Variants in DNAH6 observed in about 807,000 individuals in gnomAD.
The protein encoded by DNAH6 is axonemal beta dynein heavy chain 6.
A neutral mutation model predicts 491.4 loss-of-function variants in DNAH6; 340 were observed. The observed-to-expected ratio is 0.69, with a 90% confidence interval of 0.63 to 0.76. The LOEUF is 0.76. Among genes scored for constraint, DNAH6 ranks in the 30% least tolerant of loss-of-function variants. The probability of loss-of-function intolerance (pLI) is 0.00; values close to 1 mark genes in which losing one functional copy is unlikely to be tolerated. For synonymous variants in DNAH6, 1,603 were observed against 1,686.1 expected (o/e 0.95, Z 1.21); for missense variants, 4,443 against 4,972.2 (o/e 0.89, Z 3.20).
intron 64 of DNAH6, among the ~76,000 whole-genome samples, chr2:84,767,774 A>G (rs1394860758): frequency 2.0e-5 from 3 of 152,074 alleles, no homozygotes; most frequent in Admixed American, 2.0e-4. Flanking sequence ...ATTTTCCAAA[A>G]CAAAAGACAT....
intron 64 of DNAH6, among the ~76,000 whole-genome samples, chr2:84,771,621 A>G (rs1265839568): frequency 6.6e-6 from 1 of 152,234 alleles, no homozygotes; most frequent in African/African-American, 2.4e-5. Context: ...AGTAAAATTA[A>G]TGGCTGATTC....
chr2:84,519,229 T>C (rs1675900330), intron 2 of DNAH6, among the ~76,000 whole-genome samples: 1 of 151,680 alleles, frequency 6.6e-6, no homozygotes. Context: ...TTGCCTCTAC[T>C]CCACTGGGCA....
chr2:84,770,382 C>T (rs1216860104), intron 64 of DNAH6, among the ~76,000 whole-genome samples: 1 of 152,136 alleles, frequency 6.6e-6, no homozygotes, highest in African/African-American at 2.4e-5. Context: ...GAATGCCAGA[C>T]ATTGGGCTTA....
chr2:84,572,679 T>G (rs1573062129), intron 11 of DNAH6, among the ~76,000 whole-genome samples: 1 of 152,324 alleles, frequency 6.6e-6, no homozygotes, highest in South Asian at 2.1e-4. Context: ...CTAGCATTGG[T>G]GTGTTGGATT....
At chr2:84,794,033 A>G (rs1448459196) in intron 68 of DNAH6, among the ~76,000 whole-genome samples, 5 of 152,156 alleles carry the variant, frequency 3.3e-5, no homozygotes, top group Non-Finnish European at 7.4e-5. Context: ...CATATCTACA[A>G]CTATCTGATC....
Position 84,653,527 on chromosome 2 carries a change from T to C in DNAH6, c.5287T>C (p.Tyr1763His). ...AACAGGAGGCGGCAAGACCACAGTT[T>C]ACCGAATACTAGCAGAAACTTTAGG... is the stretch of plus-strand genomic sequence containing the variant. ...GPTGGGKTTV[Y>H]RILAETLGNL... The change falls in exon 34 of 77, where the codon TAC (tyrosine) becomes CAC (histidine). Residue 1763 changes from tyrosine to histidine, a missense_variant. Around this residue, in one of 3 missense-constraint regions of DNAH6, gnomAD observed 2,977 missense variants for 3,296.6 expected, o/e 0.90. Transcript: ENST00000389394. 8 of 1,551,344 alleles carry C rather than the reference T, an allele frequency of 5.2e-6. No homozygotes were observed. The highest frequency in any genetic ancestry group is 7.0e-6 in the Non-Finnish European group (8 of 1,146,734).
intron 67 of DNAH6, among the ~76,000 whole-genome samples, 176 bp downstream of exon 67, chr2:84,785,932 C>A (rs1423541866): frequency 1.3e-5 from 2 of 152,200 alleles, no homozygotes; most frequent in African/African-American, 4.8e-5. Context: ...TCGTATTTCA[C>A]AGCTTCAGCT....
chr2:84,690,288 C>G (rs1694715899), intron 45 of DNAH6, among the ~76,000 whole-genome samples: 1 of 152,204 alleles, frequency 6.6e-6, no homozygotes, highest in African/African-American at 2.4e-5. Context: ...TATTTCAGCT[C>G]TTTAATTAGC....
chr2:84,715,188 A>C (rs1353419633), intron 57 of DNAH6, among the ~76,000 whole-genome samples: 1 of 152,156 alleles, frequency 6.6e-6, no homozygotes, highest in Non-Finnish European at 1.5e-5. Context: ...ACCGGAAACT[A>C]AAGCTCAGCA....
chr2:84,589,809 A>C (rs1683930075), intron 16 of DNAH6, among the ~76,000 whole-genome samples: 1 of 152,050 alleles, frequency 6.6e-6, no homozygotes, highest in Non-Finnish European at 1.5e-5. Context: ...AGGTGCTTTC[A>C]ACGGCTTTTA....
At chr2:84,683,285 A>G (rs560753218) in intron 42 of DNAH6, among the ~76,000 whole-genome samples, 5 of 152,280 alleles carry the variant, frequency 3.3e-5, no homozygotes, top group Middle Eastern at 3.4e-3. Flanking sequence ...CACTGAATGA[A>G]TGAATGTCTA....
In DNAH6 at chr2:84,577,270, T is replaced by C. The variant is rs767917660; in HGVS notation, c.1938T>C (p.Phe646=). ...TTTTTTATGTAGATATTAACTTTTT[T>C]AGTGAACAACTGGAAAAATATCACA... ...LKLQEPDINF[F]SEQLEKYHKQ... The change falls in exon 13 of 77, where the codon TTT becomes TTC. Residue 646 remains phenylalanine (F), a synonymous_variant. Coordinates refer to ENST00000389394, the MANE Select transcript of DNAH6 (RefSeq NM_001370.2). The C allele has an allele frequency of 5.7e-6, 9 of 1,582,858 alleles. No individual in the cohort carries two copies. The highest frequency in any genetic ancestry group is 7.7e-6 in the Non-Finnish European group (9 of 1,168,586).
the DNAH6 span, among the ~76,000 whole-genome samples, chr2:84,509,835 G>A: frequency 3.3e-5 from 5 of 152,178 alleles, no homozygotes; most frequent in African/African-American, 1.2e-4. Flanking sequence ...CACTTATGAA[G>A]CTTAGTTTGG....
the DNAH6 span, among the ~76,000 whole-genome samples, chr2:84,488,498 G>C: frequency 1.3e-5 from 2 of 152,120 alleles, no homozygotes; most frequent in African/African-American, 2.4e-5. Context: ...GGCTCTAGGA[G>C]TGAATCTTTA....
chr2:84,701,429 T>C (rs1695891210), intron 49 of DNAH6, 90 bp downstream of exon 49: 2 of 1,354,052 alleles, frequency 1.5e-6, no homozygotes, highest in Non-Finnish European at 1.0e-6. Context: ...GTCTTACCTG[T>C]CAGGGCCCTG....
intron 12 of DNAH6, among the ~76,000 whole-genome samples, chr2:84,574,254 C>G (rs1339543745): frequency 6.6e-6 from 1 of 151,734 alleles, no homozygotes; most frequent in Non-Finnish European, 1.5e-5. Flanking sequence ...TGATACTTTG[C>G]TCTATGAACC....
intron 21 of DNAH6, among the ~76,000 whole-genome samples, chr2:84,608,025 T>C (rs1407157843): frequency 2.6e-5 from 4 of 152,062 alleles, no homozygotes; most frequent in Non-Finnish European, 5.9e-5. Context: ...TGTTGTCATT[T>C]CAACAATGTT....
chr2:84,760,215 A>C (rs207462054), intron 63 of DNAH6, among the ~76,000 whole-genome samples: 1 of 152,222 alleles, frequency 6.6e-6, no homozygotes. Context: ...TAAAAATACT[A>C]GAAGAAAACC....
At chr2:84,536,321 T>A (rs527756614) in intron 4 of DNAH6, among the ~76,000 whole-genome samples, 5 of 152,166 alleles carry the variant, frequency 3.3e-5, no homozygotes, top group Non-Finnish European at 7.4e-5. Flanking sequence ...ACCACCTGAA[T>A]AGCTTAACTG....
Sources: allele counts gnomAD v4.1 joint callset (sites outside exome capture counted in the v4.1 genomes callset), GRCh38; gene constraint gnomAD v4.1.1; regional missense constraint gnomAD v4.1.1; transcripts MANE v1.5; gene names NCBI Gene and HGNC (gene_info 2026-07-23, HGNC 2026-07-21).